Variants in DEUP1 observed in about 807,000 individuals in gnomAD.
DEUP1 encodes deuterosome assembly protein 1, also known as coiled-coil domain containing 67.
Under a neutral mutation model 87.4 loss-of-function variants are expected in DEUP1, and 82 were observed. The observed-to-expected ratio is 0.94, with a 90% CI of 0.78 to 1.13. DEUP1 has a LOEUF of 1.13. DEUP1 is among the 50% of genes most tolerant of loss of function. The pLI, the probability that DEUP1 is intolerant of heterozygous loss-of-function variation, is 0.00. For synonymous variants in DEUP1, 214 were observed against 222.7 expected (o/e 0.96, Z 0.35); for missense variants, 663 against 681.5 (o/e 0.97, Z 0.30).
intron 5 of DEUP1, among the ~76,000 whole-genome samples, chr11:93,366,045 A>G (rs1945399465): frequency 6.6e-6 from 1 of 152,226 alleles, no homozygotes; most frequent in South Asian, 2.1e-4. Flanking sequence ...TCATCAGTAA[A>G]TGGGGTTTAA....
intron 12 of DEUP1, among the ~76,000 whole-genome samples, chr11:93,413,928 G>C (rs11020317): frequency 0.17 from 25,211 of 152,100 alleles, 2,240 homozygotes; most frequent in South Asian, 0.25. Context: ...CTCATCTGTG[G>C]ATAGTATCCA....
chr11:93,416,376 A>G (rs1194235457), intron 13 of DEUP1, among the ~76,000 whole-genome samples: 1 of 152,222 alleles, frequency 6.6e-6, no homozygotes, highest in Non-Finnish European at 1.5e-5. Flanking sequence ...CAGAAATACA[A>G]ACTACCATCA....
chr11:93,366,237 A>G (rs981366865), intron 5 of DEUP1, among the ~76,000 whole-genome samples: 3 of 152,212 alleles, frequency 2.0e-5, no homozygotes, highest in African/African-American at 7.2e-5. Flanking sequence ...TGAAGGGTAC[A>G]TGGAGGTTTG....
rs558551631 is a variant in DEUP1, at chr11:93,334,679, G to A, written c.29+2391G>A. 6.6e-4 allele frequency among the ~76,000 whole-genome samples: 100 copies of A among 152,302 alleles called. 2 individuals carry two copies. In the South Asian group the frequency reaches 7.0e-3, roughly 11 times the overall value. On this transcript the variant is annotated intron_variant, in intron 2 of 13. Coordinates refer to ENST00000298050, the MANE Select transcript of DEUP1 (RefSeq NM_181645.4). Reference sequence around the variant, plus strand: ...CCCACAGAACATTTTCAGTGTGAGTGAATCAATATTCTCTGATATCATGGT... The same window carrying A: ...CCCACAGAACATTTTCAGTGTGAGTAAATCAATATTCTCTGATATCATGGT...
intron 13 of DEUP1, among the ~76,000 whole-genome samples, chr11:93,429,893 G>A (rs1387666447): frequency 6.6e-6 from 1 of 152,102 alleles, no homozygotes; most frequent in East Asian, 1.9e-4. Context: ...ACTGGGCATG[G>A]GGAACCTAAT....
chr11:93,375,427 A>G (rs1219048198), intron 7 of DEUP1, among the ~76,000 whole-genome samples: 1 of 152,192 alleles, frequency 6.6e-6, no homozygotes, highest in Non-Finnish European at 1.5e-5. Context: ...GGTTTGTCGT[A>G]GATGGCTTTT....
intron 4 of DEUP1, among the ~76,000 whole-genome samples, chr11:93,359,770 C>T (rs1040696556): frequency 1.6e-4 from 24 of 152,164 alleles, no homozygotes; most frequent in Admixed American, 6.5e-5. Context: ...CAAACAACAA[C>T]AACAACAAAA....
At chr11:93,432,654 G>A (rs1203738673) in intron 13 of DEUP1, among the ~76,000 whole-genome samples, 1 of 152,134 alleles carries the variant, frequency 6.6e-6, no homozygotes, top group Admixed American at 6.5e-5. Flanking sequence ...ACCAGGTAAT[G>A]AGGATAGAGA....
chr11:93,330,724 GTCC>G (rs1943427225), upstream of DEUP1: 1 of 152,816 alleles, frequency 6.5e-6, no homozygotes, highest in South Asian at 1.8e-4. Flanking sequence ...GACATACGCG[GTCC>G]TGCGCCCTCG....
intron 5 of DEUP1, 53 bp downstream of exon 5, chr11:93,364,347 G>C: frequency 6.6e-7 from 1 of 1,513,400 alleles, no homozygotes; most frequent in Non-Finnish European, 9.1e-7. Context: ...GATTCCTATT[G>C]TTGTGGGCTA....
At chr11:93,401,300 A>C (rs1000374350) in intron 11 of DEUP1, among the ~76,000 whole-genome samples, 3 of 152,236 alleles carry the variant, frequency 2.0e-5, no homozygotes, top group African/African-American at 7.2e-5. Context: ...GAAGAGGATA[A>C]AAAAATGGAA....
At chr11:93,347,009 C>G (rs974640065) in intron 2 of DEUP1, among the ~76,000 whole-genome samples, 4 of 152,170 alleles carry the variant, frequency 2.6e-5, no homozygotes, top group African/African-American at 9.7e-5. Flanking sequence ...TTGACTTCCT[C>G]TCTTCCTATT....
At chr11:93,427,362 T>C (rs371745075) in intron 13 of DEUP1, among the ~76,000 whole-genome samples, 20 of 151,606 alleles carry the variant, frequency 1.3e-4, no homozygotes, top group East Asian at 3.9e-4. Flanking sequence ...CTGACAAAAA[T>C]AAGCAATGGG....
chr11:93,405,817 G>A (rs1311883248), intron 11 of DEUP1, among the ~76,000 whole-genome samples: 1 of 151,816 alleles, frequency 6.6e-6, no homozygotes, highest in Non-Finnish European at 1.5e-5. Context: ...TTTAAGCTTA[G>A]GAACTTAGTT....
intron 13 of DEUP1, among the ~76,000 whole-genome samples, chr11:93,437,019 C>A (rs1313342526): frequency 6.6e-6 from 1 of 152,090 alleles, no homozygotes; most frequent in Non-Finnish European, 1.5e-5. Flanking sequence ...AAACAAGATA[C>A]ATGCCAGCAT....
intron 10 of DEUP1, 86 bp downstream of exon 10, chr11:93,394,742 A>G: frequency 1.2e-6 from 1 of 857,236 alleles, no homozygotes; most frequent in Non-Finnish European, 1.7e-6. Flanking sequence ...TAATGAAAAC[A>G]TTACATTTCT....
At chr11:93,366,292 C>T (rs931418883) in intron 5 of DEUP1, among the ~76,000 whole-genome samples, 1 of 152,120 alleles carries the variant, frequency 6.6e-6, no homozygotes, top group African/African-American at 2.4e-5. Context: ...AAAGTTAAAA[C>T]CGTTTTACAG....
At chr11:93,377,111 T>C (rs1946077120) in intron 7 of DEUP1, among the ~76,000 whole-genome samples, 1 of 152,232 alleles carries the variant, frequency 6.6e-6, no homozygotes, top group African/African-American at 2.4e-5. Flanking sequence ...GCATAGACTG[T>C]AAATATCTGT....
At chr11:93,411,465 CT>C (rs1379636659) in intron 12 of DEUP1, among the ~76,000 whole-genome samples, 1 of 152,124 alleles carries the variant, frequency 6.6e-6, no homozygotes, top group African/African-American at 2.4e-5. Flanking sequence ...TCTGAAGCAA[CT>C]CGGTTTTGTT....
Sources: gnomAD v4.1 joint callset for allele counts (sites outside exome capture counted in the v4.1 genomes callset) on GRCh38, gnomAD v4.1.1 for gene constraint, MANE v1.5 for transcripts, NCBI Gene and HGNC (gene_info 2026-07-23, HGNC 2026-07-21) for gene names.